Variants in ARHGAP40 observed in about 807,000 individuals in gnomAD.
The protein encoded by ARHGAP40 is rho GTPase-activating protein 40.
ARHGAP40 carries 43 observed loss-of-function variants against 73.5 expected under a neutral mutation model. The ratio of observed to expected loss-of-function variants is 0.58; its 90% confidence interval spans 0.46 to 0.75. The LOEUF (loss-of-function observed/expected upper bound fraction) is 0.75. ARHGAP40 is among the 30% of genes least tolerant of loss of function. The pLI, the probability that ARHGAP40 is intolerant of heterozygous loss-of-function variation, is 0.00. For missense variants in ARHGAP40, 734 were observed against 861.8 expected (o/e 0.85, Z 1.86); for synonymous variants, 300 against 352.8 (o/e 0.85, Z 1.68).
At chr20:38,628,277 C>T (rs2145604922) in intron 3 of ARHGAP40, among the ~76,000 whole-genome samples, 1 of 152,154 alleles carries the variant, frequency 6.6e-6, no homozygotes, top group Non-Finnish European at 1.5e-5. Context: ...CAGCCAAAGT[C>T]CCACCTCCTA....
chr20:38,634,505 C>G, intron 5 of ARHGAP40, 115 bp from the exon 6 acceptor site: 2 of 934,152 alleles, frequency 2.1e-6, no homozygotes, highest in South Asian at 2.8e-5. Flanking sequence ...AGTGCTTGCT[C>G]TTATCCACGC....
At chr20:38,649,433 G>A (rs2089073834) in intron 14 of ARHGAP40, among the ~76,000 whole-genome samples, 1 of 152,236 alleles carries the variant, frequency 6.6e-6, no homozygotes. Context: ...GCATCCTGGA[G>A]CTTGGCCTGA....
intron 1 of ARHGAP40, chr20:38,615,050 C>T (rs963142618): frequency 6.2e-6 from 6 of 962,076 alleles, no homozygotes; most frequent in South Asian, 5.1e-5. Flanking sequence ...TGGCATGTGC[C>T]TCCTGTTGCC....
chr20:38,632,428 A>G (rs1296844931), intron 5 of ARHGAP40, among the ~76,000 whole-genome samples: 5 of 151,090 alleles, frequency 3.3e-5, no homozygotes, highest in Non-Finnish European at 7.4e-5. Context: ...TGCCTGGCTA[A>G]TTTTTTGTAT....
chr20:38,619,479 A>T (rs1350587976), intron 1 of ARHGAP40, among the ~76,000 whole-genome samples: 2 of 151,746 alleles, frequency 1.3e-5, no homozygotes, highest in Non-Finnish European at 2.9e-5. Context: ...GGAGACACCA[A>T]AAAGGGTGTG....
chr20:38,613,615 C>T (rs2088816712), intron 1 of ARHGAP40, among the ~76,000 whole-genome samples: 3 of 152,158 alleles, frequency 2.0e-5, no homozygotes, highest in African/African-American at 2.4e-5. Context: ...CAGGTCTCCA[C>T]ACCTAGGATG....
At chr20:38,603,482 C>CTGTATCTA (rs2088751909) in intron 1 of ARHGAP40, among the ~76,000 whole-genome samples, 1 of 147,558 alleles carries the variant, frequency 6.8e-6, no homozygotes, top group Non-Finnish European at 1.5e-5. Context: ...CTAATCTATC[C>CTGTATCTA]ATCTATCTAT....
intron 6 of ARHGAP40, among the ~76,000 whole-genome samples, chr20:38,637,015 T>C (rs1177515633): frequency 1.3e-5 from 2 of 152,276 alleles, no homozygotes; most frequent in East Asian, 3.9e-4. Flanking sequence ...CCAGGGTGGT[T>C]AAGATTGACC....
intron 3 of ARHGAP40, among the ~76,000 whole-genome samples, chr20:38,628,090 C>T (rs1308691261): frequency 6.6e-6 from 1 of 152,168 alleles, no homozygotes; most frequent in African/African-American, 2.4e-5. Flanking sequence ...GGCTGTGTGT[C>T]CAGAGCAACA....
At chr20:38,644,323 C>T (rs1485517999) in intron 11 of ARHGAP40, among the ~76,000 whole-genome samples, 1 of 152,074 alleles carries the variant, frequency 6.6e-6, no homozygotes, top group Non-Finnish European at 1.5e-5. Context: ...GAGCTTTGCC[C>T]TGAGTAACAA....
chr20:38,610,993 G>A (rs142307238), intron 1 of ARHGAP40, among the ~76,000 whole-genome samples: 2,364 of 150,892 alleles, frequency 0.016, 69 homozygotes, highest in African/African-American at 0.054. Context: ...GGGTTTAAGC[G>A]ATTCTCCTGC....
At chr20:38,615,438 C>T in intron 1 of ARHGAP40, 2 of 714,606 alleles carry the variant, frequency 2.8e-6, no homozygotes. Context: ...TGGTAACCAG[C>T]TCCTTCTCAG....
At chr20:38,632,173 AG>A (rs1277164865) in intron 5 of ARHGAP40, among the ~76,000 whole-genome samples, 1 of 152,082 alleles carries the variant, frequency 6.6e-6, no homozygotes, top group Non-Finnish European at 1.5e-5. Flanking sequence ...CATGTTGGCC[AG>A]GCTGGTCTCG....
intron 1 of ARHGAP40, chr20:38,614,915 A>G (rs1164897125): frequency 1.5e-6 from 2 of 1,358,036 alleles, no homozygotes; most frequent in Admixed American, 1.7e-5. Flanking sequence ...GCCTTTCTCT[A>G]GAAGTCCTGA....
rs958159305 is a variant in ARHGAP40, at chr20:38,647,222, G to A, written c.1880+96G>A. ...CACCAGGGGGTTACACATACTGTTG[G>A]CCTGACCTGGCCTTCCCTTTCTGGG... On this transcript the variant is annotated intron_variant, in intron 13 of 14. Coordinates refer to ENST00000373345, the Ensembl canonical transcript of ARHGAP40. 30 of 1,094,376 alleles carry A rather than the reference G, an allele frequency of 2.7e-5. No homozygotes were observed. In the Admixed American group the frequency reaches 5.1e-4, roughly 19 times the overall value. 67.8% of individuals were successfully genotyped at this position (1,094,376 alleles called of 1,614,324 possible).
chr20:38,607,333 C>CT (rs2088776888), intron 1 of ARHGAP40, among the ~76,000 whole-genome samples: 1 of 152,202 alleles, frequency 6.6e-6, no homozygotes, highest in Non-Finnish European at 1.5e-5. Flanking sequence ...GCCGTTCACA[C>CT]TCACACATCC....
At chr20:38,607,256 G>A (rs941814807) in intron 1 of ARHGAP40, among the ~76,000 whole-genome samples, 1 of 152,146 alleles carries the variant, frequency 6.6e-6, no homozygotes, top group African/African-American at 2.4e-5. Flanking sequence ...TCATCATTGG[G>A]AAAGTTCCTT....
At chr20:38,612,894 T>A (rs768686764) in intron 1 of ARHGAP40, among the ~76,000 whole-genome samples, 1 of 152,154 alleles carries the variant, frequency 6.6e-6, no homozygotes, top group African/African-American at 2.4e-5. Context: ...ATAATCTTGT[T>A]CGAAGGAAGG....
intron 1 of ARHGAP40, among the ~76,000 whole-genome samples, chr20:38,614,434 G>A (rs1271859861): frequency 6.6e-6 from 1 of 152,020 alleles, no homozygotes. Context: ...AGCATCATTA[G>A]CTGCACCATC....
Sources: gnomAD v4.1 joint callset for allele counts (sites outside exome capture counted in the v4.1 genomes callset) on GRCh38, gnomAD v4.1.1 for gene constraint, MANE v1.5 for transcripts, NCBI Gene and HGNC (gene_info 2026-07-23, HGNC 2026-07-21) for gene names.